The following CORO2A variants were observed in gnomAD, a reference collection of about 807,000 sequenced individuals.
The protein encoded by CORO2A is coronin 2A, also known as coronin-2A.
A neutral mutation model predicts 62.4 loss-of-function variants in CORO2A; 47 were observed. The observed-to-expected ratio is 0.75, with a 90% CI of 0.60 to 0.96. The LOEUF is 0.96. CORO2A is among the 40% of genes least tolerant of loss of function. CORO2A has a pLI of 0.00. For synonymous variants in CORO2A, 273 were observed against 268.9 expected, an observed-to-expected ratio of 1.02 and a Z score of -0.15; for missense variants, 610 against 684.1, an observed-to-expected ratio of 0.89 and a Z score of 1.21.
chr9:98,154,890 A>G (rs1330407828), intron 2 of CORO2A, among the ~76,000 whole-genome samples: 2 of 152,210 alleles, frequency 1.3e-5, no homozygotes, highest in African/African-American at 4.8e-5. Context: ...CAATGCTACT[A>G]TGCACATTCT....
intron 1 of CORO2A, chr9:98,172,669 T>A (rs2275709): frequency 0.14 from 21,167 of 152,326 alleles, 1,734 homozygotes; most frequent in East Asian, 0.26. Flanking sequence ...TCACCCTTAA[T>A]CAGTTCCCCA....
In CORO2A at chr9:98,135,585, A is replaced by G. The variant is rs375298275; in HGVS notation, c.319-630T>C. On this transcript the variant is annotated intron_variant, in intron 3 of 11. Transcript: ENST00000375077. Reference sequence around the variant, plus strand: ...CCAGAGTAGTGTTGTCTGAAGATGGAGGGGGCTGCCATGGCAGAGAGTAAG... The same window carrying G: ...CCAGAGTAGTGTTGTCTGAAGATGGGGGGGGCTGCCATGGCAGAGAGTAAG... Among the ~76,000 whole-genome samples, 47 of 152,136 alleles carry G rather than the reference A, an allele frequency of 3.1e-4. No homozygotes were observed. In the East Asian group the frequency reaches 6.6e-3, roughly 21 times the overall value.
At chr9:98,150,020 C>T (rs1207129293) in intron 2 of CORO2A, among the ~76,000 whole-genome samples, 1 of 151,722 alleles carries the variant, frequency 6.6e-6, no homozygotes, top group Non-Finnish European at 1.5e-5. Context: ...CAACCTCCAC[C>T]TCCTGGGTTC....
Position 98,164,057 on chromosome 9 carries a change from T to C in CORO2A, c.1-6397A>G, listed in dbSNP as rs1374617206. 3.9e-5 allele frequency among the ~76,000 whole-genome samples: 6 copies of C among 152,322 alleles called. No homozygotes were observed. The East Asian group carries it at 1.2e-3, about 29-fold the overall frequency. On this transcript the variant is annotated intron_variant, in intron 1 of 11. Transcript: ENST00000375077. ...TTCACATATAATATTTGAAGTTTTA[T>C]CTGTTCTCTCTCTTAAAATTTGACT...
At chr9:98,172,137 A>G (rs1828045464) in intron 1 of CORO2A, among the ~76,000 whole-genome samples, 1 of 152,010 alleles carries the variant, frequency 6.6e-6, no homozygotes, top group Non-Finnish European at 1.5e-5. Context: ...CTGGGACAAG[A>G]GTCCCCAGAT....
chr9:98,132,828 A>C (rs916177608), intron 5 of CORO2A, among the ~76,000 whole-genome samples: 1 of 152,200 alleles, frequency 6.6e-6, no homozygotes, highest in African/African-American at 2.4e-5. Context: ...GAGTCATTTC[A>C]TCTCTCACGG....
chr9:98,174,139 CAA>C (rs78378660), intron 1 of CORO2A, among the ~76,000 whole-genome samples: 22,575 of 72,430 alleles, frequency 0.31, 2,121 homozygotes, highest in East Asian at 0.52. Context: ...AAACAAAAAA[CAA>C]AAAAAAAAAA....
chr9:98,124,925 A>C lies in CORO2A; in HGVS notation c.1447-20T>G, dbSNP rs1340427053. The C allele has an allele frequency of 4.5e-6, 7 of 1,553,870 alleles. No individual in the cohort carries two copies. Among genetic ancestry groups the C allele is most frequent in the Non-Finnish European group, 6.1e-6 (7 of 1,147,776 alleles). ...CAGCAACTGGGGAAGAAAGATCGGA[A>C]GGCAGGATCACCATGGTGTCAGGAC... On this transcript the variant is annotated intron_variant, in intron 11 of 11. Coordinates refer to ENST00000375077, the MANE Select transcript of CORO2A (RefSeq NM_052820.4).
chr9:98,177,861 G>A (rs925142157), intron 1 of CORO2A, among the ~76,000 whole-genome samples: 2 of 152,002 alleles, frequency 1.3e-5, no homozygotes, highest in African/African-American at 4.8e-5. Context: ...ACTAACCAGA[G>A]TGACTGTAAA....
intron 1 of CORO2A, among the ~76,000 whole-genome samples, chr9:98,180,876 T>C (rs1427403952): frequency 6.6e-6 from 1 of 152,110 alleles, no homozygotes; most frequent in Non-Finnish European, 1.5e-5. Context: ...TCCACCACCA[T>C]GCTCAGCAAC....
At chr9:98,169,356 C>G (rs1828003126) in intron 1 of CORO2A, among the ~76,000 whole-genome samples, 1 of 152,166 alleles carries the variant, frequency 6.6e-6, no homozygotes, top group Non-Finnish European at 1.5e-5. Flanking sequence ...ACATCTGACA[C>G]TGCCCAGAGC....
intron 1 of CORO2A, among the ~76,000 whole-genome samples, chr9:98,168,291 C>G (rs4743175): frequency 0.47 from 71,525 of 152,108 alleles, 17,010 homozygotes; most frequent in African/African-American, 0.52. Flanking sequence ...CAGCACCACC[C>G]TATCATTTCC....
intron 11 of CORO2A, among the ~76,000 whole-genome samples, chr9:98,125,335 C>T (rs1293587075): frequency 6.6e-6 from 1 of 152,170 alleles, no homozygotes; most frequent in Non-Finnish European, 1.5e-5. Context: ...GCCTCGTTAT[C>T]CCACTGGAAC....
chr9:98,160,183 T>C (rs1191985757), intron 1 of CORO2A, among the ~76,000 whole-genome samples: 2 of 152,144 alleles, frequency 1.3e-5, no homozygotes, highest in Non-Finnish European at 2.9e-5. Flanking sequence ...CTGCACAGAA[T>C]GTAGGGATGG....
At chr9:98,182,449 AGCCC>A in intron 1 of CORO2A, among the ~76,000 whole-genome samples, 1 of 152,192 alleles carries the variant, frequency 6.6e-6, no homozygotes, top group Non-Finnish European at 1.5e-5. Context: ...TTATCTCCCC[AGCCC>A]TCCTCCACAC....
At chr9:98,151,218 A>T (rs1374751527) in intron 2 of CORO2A, among the ~76,000 whole-genome samples, 1 of 152,210 alleles carries the variant, frequency 6.6e-6, no homozygotes, top group Non-Finnish European at 1.5e-5. Flanking sequence ...AAGGACTCTA[A>T]TTCAAAGTAG....
At chr9:98,162,632 C>T (rs989326388) in intron 1 of CORO2A, among the ~76,000 whole-genome samples, 3 of 152,190 alleles carry the variant, frequency 2.0e-5, no homozygotes, top group South Asian at 4.1e-4. Context: ...CTTGTGCATG[C>T]GTGCTGGCCT....
chr9:98,157,766 G>A, intron 1 of CORO2A, 106 bp from the exon 2 acceptor site: 1 of 1,076,170 alleles, frequency 9.3e-7, no homozygotes, highest in Non-Finnish European at 1.4e-6. Context: ...GCAGGACAGT[G>A]GTCAGTTCAA....
At chr9:98,171,842 G>T (rs1473634997) in intron 1 of CORO2A, among the ~76,000 whole-genome samples, 1 of 152,062 alleles carries the variant, frequency 6.6e-6, no homozygotes, top group East Asian at 1.9e-4. Flanking sequence ...CAGTGCTGAG[G>T]AGGGGGCACC....
Sources: gnomAD v4.1 joint callset for allele counts (sites outside exome capture counted in the v4.1 genomes callset) on GRCh38, gnomAD v4.1.1 for gene constraint, MANE v1.5 for transcripts, NCBI Gene and HGNC (gene_info 2026-07-23, HGNC 2026-07-21) for gene names.